Variants in KIF21A observed in about 807,000 individuals in gnomAD.
The protein encoded by KIF21A is kinesin-like protein KIF21A.
In KIF21A, 114 loss-of-function variants were observed where a neutral mutation model predicts 202.9. The ratio of observed to expected loss-of-function variants is 0.56; its 90% CI spans 0.48 to 0.66. The LOEUF (loss-of-function observed/expected upper bound fraction) is 0.66, where lower values mean the gene tolerates loss of function less well. KIF21A is among the 30% of genes least tolerant of loss of function. KIF21A has a pLI of 0.00. For synonymous variants in KIF21A, 667 were observed against 670.8 expected (o/e 0.99, Z 0.09); for missense variants, 1,677 against 1,994.9 (o/e 0.84, Z 3.04).
intron 21 of KIF21A, 139 bp downstream of exon 21, chr12:39,332,075 G>A: frequency 1.3e-6 from 1 of 769,756 alleles, no homozygotes; most frequent in Admixed American, 2.3e-5. Context: ...GCAGGAAGTG[G>A]CATACATGTA....
chr12:39,328,723 A>G (rs1946208190), intron 24 of KIF21A, among the ~76,000 whole-genome samples: 1 of 152,176 alleles, frequency 6.6e-6, no homozygotes, highest in Non-Finnish European at 1.5e-5. Context: ...CCTCAGGCAC[A>G]CAAAAGTGTG....
In KIF21A at chr12:39,356,817, G is replaced by A. The variant is rs773741049; in HGVS notation, c.1469+15C>T. The A allele has an allele frequency of 9.3e-7, 1 of 1,070,206 alleles. No homozygotes were observed. Among genetic ancestry groups the A allele is most frequent in the Non-Finnish European group, 1.5e-6 (1 of 688,186 alleles). The allele number at this position is 1,070,206 out of a possible 1,614,324, so 66.3% of individuals were successfully genotyped here. A position where few individuals can be genotyped will look rare whatever the true frequency, so the allele number is the denominator to read the frequency against. On this transcript the variant is annotated intron_variant, in intron 10 of 37. Transcript: ENST00000361418. ...ACAAACATGTGCATTATATGTTACAGAACATGAACTATACCTGAGATCTTC... is the reference window on the plus strand; with the variant it reads ...ACAAACATGTGCATTATATGTTACAAAACATGAACTATACCTGAGATCTTC...
intron 1 of KIF21A, among the ~76,000 whole-genome samples, chr12:39,404,250 T>C (rs1170784402): frequency 6.6e-6 from 1 of 152,130 alleles, no homozygotes; most frequent in Admixed American, 6.5e-5. Context: ...AGGCATGCGT[T>C]GCCATGCCTA....
chr12:39,428,017 A>T (rs1029448501), intron 1 of KIF21A, among the ~76,000 whole-genome samples: 1 of 152,216 alleles, frequency 6.6e-6, no homozygotes, highest in African/African-American at 2.4e-5. Context: ...AAGGCACAGA[A>T]AACAATTCAA....
intron 31 of KIF21A, among the ~76,000 whole-genome samples, chr12:39,313,044 G>A (rs1487316204): frequency 6.6e-6 from 1 of 151,894 alleles, no homozygotes; most frequent in Middle Eastern, 3.2e-3. Context: ...AGATGCAAGA[G>A]GGCAGAAATG....
intron 1 of KIF21A, among the ~76,000 whole-genome samples, chr12:39,380,069 G>T (rs1950519755): frequency 6.6e-6 from 1 of 152,166 alleles, no homozygotes; most frequent in African/African-American, 2.4e-5. Context: ...CCAGGTTCAG[G>T]CAATTCTCCT....
intron 7 of KIF21A, 129 bp downstream of exon 7, chr12:39,362,969 A>G: frequency 1.6e-6 from 1 of 634,312 alleles, no homozygotes. Flanking sequence ...GATCCTTAAC[A>G]GTATAAGGAT....
At chr12:39,437,939 C>T (rs904191458) in intron 1 of KIF21A, among the ~76,000 whole-genome samples, 4 of 152,140 alleles carry the variant, frequency 2.6e-5, no homozygotes, top group African/African-American at 9.7e-5. Context: ...TAATTTACCT[C>T]ACATGTATAT....
chr12:39,440,824 G>A (rs1174000867), intron 1 of KIF21A, among the ~76,000 whole-genome samples: 2 of 152,026 alleles, frequency 1.3e-5, no homozygotes, highest in South Asian at 2.1e-4. Flanking sequence ...GACCACTCTG[G>A]GAAACATAGG....
At chr12:39,335,731 T>C (rs1946908021) in intron 17 of KIF21A, among the ~76,000 whole-genome samples, 1 of 152,230 alleles carries the variant, frequency 6.6e-6, no homozygotes, top group East Asian at 1.9e-4. Context: ...TATGTTAGAA[T>C]GTGCTTCTAC....
intron 1 of KIF21A, among the ~76,000 whole-genome samples, chr12:39,385,053 C>A (rs1268246072): frequency 2.0e-5 from 3 of 152,140 alleles, no homozygotes; most frequent in Non-Finnish European, 4.4e-5. Context: ...ATCCCATCAC[C>A]TTTGCTGTTT....
chr12:39,405,192 A>G (rs1380977758), intron 1 of KIF21A, among the ~76,000 whole-genome samples: 1 of 152,150 alleles, frequency 6.6e-6, no homozygotes, highest in Non-Finnish European at 1.5e-5. Context: ...TCTCTACTAA[A>G]AATACAAAAA....
chr12:39,336,872 C>T (rs181266840), intron 17 of KIF21A, among the ~76,000 whole-genome samples: 27 of 152,170 alleles, frequency 1.8e-4, no homozygotes, highest in African/African-American at 6.3e-4. Flanking sequence ...GGAAAATAAG[C>T]CTCAAATAAA....
At chr12:39,345,974 TTTG>T (rs1947854806) in intron 12 of KIF21A, among the ~76,000 whole-genome samples, 1 of 147,902 alleles carries the variant, frequency 6.8e-6, no homozygotes, top group Non-Finnish European at 1.5e-5. Flanking sequence ...TTTCCTTTTG[TTTG>T]TTGTCATTTT....
intron 29 of KIF21A, among the ~76,000 whole-genome samples, chr12:39,316,491 C>G (rs2137532824): frequency 1.3e-5 from 2 of 152,254 alleles, no homozygotes; most frequent in South Asian, 4.1e-4. Flanking sequence ...CTCAAAAACA[C>G]TGAGTTCTTT....
chr12:39,379,400 C>A (rs1052142280), intron 1 of KIF21A, among the ~76,000 whole-genome samples: 7 of 151,600 alleles, frequency 4.6e-5, no homozygotes, highest in Admixed American at 2.6e-4. Flanking sequence ...ATTAGGCATA[C>A]CAGCTAACAC....
At chr12:39,329,582 C>T (rs564995459) in intron 24 of KIF21A, among the ~76,000 whole-genome samples, 74 of 151,106 alleles carry the variant, frequency 4.9e-4, no homozygotes, top group African/African-American at 1.7e-3. Flanking sequence ...AAGAGGAGGA[C>T]GGACTGGGGA....
intron 7 of KIF21A, among the ~76,000 whole-genome samples, chr12:39,361,446 G>A (rs1414253617): frequency 1.3e-5 from 2 of 151,516 alleles, no homozygotes; most frequent in Admixed American, 1.3e-4. Context: ...CATGAGTTAA[G>A]ACAAATGCTA....
At chr12:39,375,042 T>C (rs1457220314) in intron 1 of KIF21A, among the ~76,000 whole-genome samples, 4 of 152,134 alleles carry the variant, frequency 2.6e-5, no homozygotes, top group African/African-American at 4.8e-5. Flanking sequence ...CATGGGCTCA[T>C]TGCTGTGGAA....
Sources: gnomAD v4.1 joint callset for allele counts (sites outside exome capture counted in the v4.1 genomes callset) on GRCh38, gnomAD v4.1.1 for gene constraint, MANE v1.5 for transcripts, NCBI Gene and HGNC (gene_info 2026-07-23, HGNC 2026-07-21) for gene names.